The following TULP4 variants were observed in gnomAD, a reference collection of about 807,000 sequenced individuals.
TULP4 encodes tubby-related protein 4.
In TULP4, 16 loss-of-function variants were observed where a neutral mutation model predicts 129.0. That is an observed-to-expected ratio of 0.12 (90% CI 0.08 to 0.19). TULP4 has a LOEUF of 0.19. TULP4 is among the 10% of genes least tolerant of loss of function. The probability of loss-of-function intolerance (pLI) is 1.00; values close to 1 mark genes in which losing one functional copy is unlikely to be tolerated. For missense variants in TULP4, 1,842 were observed against 2,059.1 expected, an observed-to-expected ratio of 0.89 and a Z score of 2.04; for synonymous variants, 998 against 854.0, an observed-to-expected ratio of 1.17 and a Z score of -2.94.
intron 13 of TULP4, among the ~76,000 whole-genome samples, chr6:158,505,857 ATTCT>A (rs1780588276): frequency 1.4e-5 from 2 of 146,298 alleles, no homozygotes; most frequent in Non-Finnish European, 3.0e-5. Context: ...CATTCACCCC[ATTCT>A]TTTTTTTTTT....
At chr6:158,287,488 T>C (rs1778852681) in intron 1 of TULP4, among the ~76,000 whole-genome samples, 1 of 152,208 alleles carries the variant, frequency 6.6e-6, no homozygotes. Flanking sequence ...TTGCTAGATG[T>C]CTTGATGAAT....
intron 6 of TULP4, among the ~76,000 whole-genome samples, chr6:158,475,849 G>A (rs1411410706): frequency 6.6e-6 from 1 of 152,210 alleles, no homozygotes; most frequent in Non-Finnish European, 1.5e-5. Flanking sequence ...CATTTGTAGC[G>A]AGGGCTTTAT....
At chr6:158,310,394 C>T (rs1312657209), upstream of TULP4, 2 of 150,842 alleles carry the variant, frequency 1.3e-5, no homozygotes, top group East Asian at 2.0e-4. Flanking sequence ...GATCTTGGCT[C>T]ACCGCAACCT....
At chr6:158,431,843 G>C (rs1209619066) in intron 3 of TULP4, among the ~76,000 whole-genome samples, 1 of 152,112 alleles carries the variant, frequency 6.6e-6, no homozygotes, top group Non-Finnish European at 1.5e-5. Context: ...CTGGCCTTGA[G>C]TCTGTAGACC....
chr6:158,481,247 C>A lies in TULP4; in HGVS notation c.1444C>A (p.Pro482Thr). ...LKGRRISKLRPEFVIMDPRTD... is the reference protein window; with the variant it reads ...LKGRRISKLRTEFVIMDPRTD... ...AGGGCGGCGCATCAGCAAGCTGCGG[C>A]CAGAGTTCGTCATCATGGACCCGCG... is the stretch of plus-strand genomic sequence containing the variant. The change falls in exon 8 of 14, where the codon CCA (proline) becomes ACA (threonine). Residue 482 changes from proline to threonine, a missense_variant. Pro to Thr is a conservative substitution (Grantham distance 38). Around this residue, in one of 5 missense-constraint regions of TULP4, gnomAD observed 456 missense variants for 534.3 expected, o/e 0.85. Transcript: ENST00000367097. 6.2e-7 allele frequency: 1 copy of A among 1,614,198 alleles called. No individual in the cohort carries two copies. Among genetic ancestry groups the A allele is most frequent in the Non-Finnish European group, 8.5e-7 (1 of 1,180,016 alleles).
intron 1 of TULP4, among the ~76,000 whole-genome samples, chr6:158,351,255 CT>C (rs1780511593): frequency 6.6e-6 from 1 of 152,156 alleles, no homozygotes; most frequent in South Asian, 2.1e-4. Context: ...TAAGCCCATT[CT>C]TTTAGTGCAG....
Position 158,481,293 on chromosome 6 carries a change from G to C in TULP4, c.1486+4G>C. The C allele has an allele frequency of 6.2e-7, 1 of 1,611,800 alleles. No homozygotes were observed. Among genetic ancestry groups the C allele is most frequent in the Non-Finnish European group, 8.5e-7 (1 of 1,178,938 alleles). ...CCGCGGACAGATAGCAAACCAGGTGGGCCCCTCACCCGAGGGACTGGGACC... is the reference window on the plus strand; with the variant it reads ...CCGCGGACAGATAGCAAACCAGGTGCGCCCCTCACCCGAGGGACTGGGACC... On this transcript the variant is annotated splice_donor_region_variant and intron_variant, in intron 8 of 13. Transcript: ENST00000367097.
chr6:158,277,013 C>T (rs1778660490), intron 1 of TULP4, among the ~76,000 whole-genome samples: 1 of 152,046 alleles, frequency 6.6e-6, no homozygotes, highest in African/African-American at 2.4e-5. Flanking sequence ...AATCATGGCT[C>T]ACTGCAGCCT....
At chr6:158,476,738 T>G (rs1367170770) in intron 6 of TULP4, among the ~76,000 whole-genome samples, 3 of 152,246 alleles carry the variant, frequency 2.0e-5, no homozygotes, top group African/African-American at 4.8e-5. Context: ...AAAGCAGCTT[T>G]GACCAAATGG....
intron 2 of TULP4, among the ~76,000 whole-genome samples, chr6:158,416,275 A>G (rs1398919350): frequency 6.6e-6 from 1 of 152,196 alleles, no homozygotes; most frequent in Non-Finnish European, 1.5e-5. Flanking sequence ...CAGACACACC[A>G]GGAACAATAC....
At chr6:158,366,030 G>C (rs941151109) in intron 1 of TULP4, among the ~76,000 whole-genome samples, 1 of 148,890 alleles carries the variant, frequency 6.7e-6, no homozygotes, top group Non-Finnish European at 1.5e-5. Context: ...AGCCTCCCTA[G>C]TAGCTGGGAC....
At chr6:158,447,093 T>G (rs985720134) in intron 3 of TULP4, among the ~76,000 whole-genome samples, 1 of 152,184 alleles carries the variant, frequency 6.6e-6, no homozygotes, top group Non-Finnish European at 1.5e-5. Context: ...TAGTGATAAG[T>G]GTGGCAATGG....
chr6:158,381,818 A>T (rs1257499634), intron 1 of TULP4, among the ~76,000 whole-genome samples: 1 of 152,230 alleles, frequency 6.6e-6, no homozygotes, highest in Non-Finnish European at 1.5e-5. Flanking sequence ...GCTTCTCTTA[A>T]TGAAACCTCA....
Position 158,503,057 on chromosome 6 carries a change from G to A in TULP4, c.3394G>A (p.Val1132Ile), listed in dbSNP as rs749689118. ...GTGGGACCCCATGCTGGGTGAGGAT[G>A]TTTGGGTTCCTCAAGAAAGGACAGC... ...YQWDPMLGED[V>I]WVPQERTAQT... Residue 1132 changes from valine (V) to isoleucine (I), a missense_variant, in exon 13 of 14, where the codon GTT (valine) becomes ATT (isoleucine). By Grantham distance (29) the Val-to-Ile change is conservative. This residue lies in a region of TULP4 where 1,089 missense variants were observed against 987.1 expected (regional missense o/e 1.10). Coordinates refer to ENST00000367097, the MANE Select transcript of TULP4 (RefSeq NM_020245.5). This position sits in a 1 kb window ranked among gnomAD's most constrained non-coding sequence, Gnocchi z 4.3. 3.2e-5 allele frequency: 51 copies of A among 1,614,014 alleles called. No individual in the cohort carries two copies. The highest frequency in any genetic ancestry group is 1.6e-4 in the Middle Eastern group (1 of 6,084).
chr6:158,277,866 G>A (rs1778674803), upstream of TULP4, among the ~76,000 whole-genome samples: 1 of 152,136 alleles, frequency 6.6e-6, no homozygotes, highest in Non-Finnish European at 1.5e-5. Context: ...TTTTCTGGCA[G>A]CAGTAACCTT....
chr6:158,441,822 G>A (rs781166579), intron 3 of TULP4, among the ~76,000 whole-genome samples: 2 of 152,136 alleles, frequency 1.3e-5, no homozygotes, highest in African/African-American at 2.4e-5. Flanking sequence ...AACAACTCAA[G>A]GCTGTGTCCC....
chr6:158,464,870 C>T (rs529572641), intron 6 of TULP4, among the ~76,000 whole-genome samples: 2 of 152,258 alleles, frequency 1.3e-5, no homozygotes, highest in South Asian at 2.1e-4. Context: ...GCAAATTTCC[C>T]AACAAGAGAT....
At chr6:158,269,645 T>C (rs370695731) in intron 1 of TULP4, among the ~76,000 whole-genome samples, 4 of 152,254 alleles carry the variant, frequency 2.6e-5, no homozygotes, top group Non-Finnish European at 5.9e-5. Flanking sequence ...TGCATATTTC[T>C]TTAATAATCT....
In TULP4 at chr6:158,502,000, G is replaced by A. The variant is rs201690762; in HGVS notation, c.2337G>A (p.Pro779=). Residue 779 remains proline, a synonymous_variant, in exon 13 of 14, where the codon CCG becomes CCA. Transcript: ENST00000367097. ...NPPPLSLPPP[P]QGPMQLSTVG... is the part of the protein sequence containing the mutation. ...CTCCACTGTCCCTGCCTCCCCCGCC[G>A]CAGGGGCCCATGCAGCTGTCCACGG... 52 of 1,610,174 alleles carry A rather than the reference G, an allele frequency of 3.2e-5. 1 individual carries two copies. The highest frequency in any genetic ancestry group is 3.2e-4 in the South Asian group (29 of 90,846).
Sources: gnomAD v4.1 joint callset for allele counts (sites outside exome capture counted in the v4.1 genomes callset) on GRCh38, gnomAD v4.1.1 for gene constraint, gnomAD v4.1.1 regional missense constraint, Gnocchi (gnomAD v3.1) non-coding constraint, MANE v1.5 for transcripts, NCBI Gene and HGNC (gene_info 2026-07-23, HGNC 2026-07-21) for gene names.